Variants in KLHL11 observed in about 807,000 individuals in gnomAD.
The protein encoded by KLHL11 is kelch-like protein 11.
In KLHL11, 26 loss-of-function variants were observed where a neutral mutation model predicts 56.1. The observed-to-expected ratio is 0.46, with a 90% CI of 0.34 to 0.64. The LOEUF (loss-of-function observed/expected upper bound fraction) is 0.64. KLHL11 is among the 30% of genes least tolerant of loss of function. The pLI is 0.01. For missense variants in KLHL11, 627 were observed against 919.4 expected, an observed-to-expected ratio of 0.68 and a Z score of 4.11; for synonymous variants, 338 against 345.8, an observed-to-expected ratio of 0.98 and a Z score of 0.25.
rs1218559649 is a variant in KLHL11 at position 41,854,651 on chromosome 17, C to G, written c.1216G>C (p.Glu406Gln). 1 of 1,614,078 alleles carries G rather than the reference C, an allele frequency of 6.2e-7. No homozygotes were observed. Among genetic ancestry groups the G allele is most frequent in the African/African-American group, 1.3e-5 (1 of 74,950 alleles). Reference protein sequence around the residue: ...HLDGHAVAVTESYVYVAGSME... With the variant: ...HLDGHAVAVTQSYVYVAGSME... ...GATCCAGCAACATACACGTAGGATT[C>G]TGTTACTGCAACAGCATGTCCATCG... Residue 406 changes from glutamate to glutamine, a missense_variant, in exon 2 of 2, where the codon GAA (glutamate) becomes CAA (glutamine). Glu to Gln is a conservative substitution (Grantham distance 29, BLOSUM62 2). Coordinates refer to ENST00000319121, the MANE Select transcript of KLHL11 (RefSeq NM_018143.3). The surrounding 1 kb of genome is among the most constrained non-coding windows in gnomAD (Gnocchi z 4.9).
rs529540418 is a variant in KLHL11, at chr17:41,852,935, T to C, written c.*805A>G. 6.6e-6 allele frequency among the ~76,000 whole-genome samples: 1 copy of C among 152,058 alleles called. No homozygotes were observed. The highest frequency in any genetic ancestry group is 1.5e-5 in the Non-Finnish European group (1 of 68,004). ...ATAATCCTGCAACTCCTGAAAAAAA[T>C]GTTGAAAAAATTTTAAATGCCTTTG... is the stretch of plus-strand genomic sequence containing the variant. On this transcript the variant is annotated 3_prime_UTR_variant, in exon 2 of 2. Coordinates refer to ENST00000319121, the MANE Select transcript of KLHL11 (RefSeq NM_018143.3).
chr17:41,855,213 G>A lies in KLHL11; in HGVS notation c.654C>T (p.Ser218=). ...TATCAGCAGCCTTCAGAGCAAGTTG[G>A]CTCAGGGTGTACATGTGTGCTAAGC... ...IHSLAHMYTL[S]QLALKAADMI... Residue 218 remains serine, a synonymous_variant, in exon 2 of 2, where the codon AGC becomes AGT. Transcript: ENST00000319121. 1 of 1,614,028 alleles carries A rather than the reference G, an allele frequency of 6.2e-7. No homozygotes were observed. Among genetic ancestry groups the A allele is most frequent in the South Asian group, 1.1e-5 (1 of 91,088 alleles).
In KLHL11 at chr17:41,850,037, T is replaced by C. The variant is rs1429715754; in HGVS notation, c.*3703A>G. ...ACATTACCAAAAACAATATTTTAAG[T>C]TTTCTCATCAAAAAGGAAATTTCTT... On this transcript the variant is annotated 3_prime_UTR_variant, in exon 2 of 2. Transcript: ENST00000319121. 1.3e-5 allele frequency: 2 copies of C among 152,216 alleles called. No homozygotes were observed. Among genetic ancestry groups the C allele is most frequent in the East Asian group, 3.8e-4 (2 of 5,206 alleles). The allele number at this position is 152,216 out of a possible 1,614,324, so 9.4% of individuals were successfully genotyped here.
Position 41,852,137 on chromosome 17 carries a change from C to T in KLHL11, c.*1603G>A, listed in dbSNP as rs1233103270. On this transcript the variant is annotated 3_prime_UTR_variant, in exon 2 of 2. Coordinates refer to ENST00000319121, the MANE Select transcript of KLHL11 (RefSeq NM_018143.3). The stretch of plus-strand genomic sequence containing the variant: ...TCTGGTGATCCTCCCACCTTGGCTT[C>T]AAGTAGGAAGGACTACAGGCACGTG... Among the ~76,000 whole-genome samples, 2 of 152,012 alleles carry T rather than the reference C, an allele frequency of 1.3e-5. No individual in the cohort carries two copies. Among genetic ancestry groups the T allele is most frequent in the Non-Finnish European group, 2.9e-5 (2 of 67,988 alleles).
Position 41,865,340 on chromosome 17 carries a change from C to G in KLHL11, c.31G>C (p.Ala11Pro). The G allele has an allele frequency of 1.4e-6, 2 of 1,440,782 alleles. No individual in the cohort carries two copies. The highest frequency in any genetic ancestry group is 1.8e-6 in the Non-Finnish European group (2 of 1,110,572). 89.2% of individuals were successfully genotyped at this position (1,440,782 alleles called of 1,614,324 possible). Residue 11 changes from alanine to proline, a missense_variant, in exon 1 of 2, where the codon GCG becomes CCG. Physicochemically the swap from Ala to Pro is conservative, Grantham distance 27. Coordinates refer to ENST00000319121, the MANE Select transcript of KLHL11 (RefSeq NM_018143.3). ...TGAAGAGATGCAGCCGCGGCCGCCG[C>G]CGCCGCCGCCGCCACTGCCGCAGCC... The part of the protein sequence containing the change: MAAAAVAAAA[A>P]AAAAASLQVL...
rs782414683 is a variant in KLHL11 at position 41,853,564 on chromosome 17, C to G, written c.*176G>C. ...CAAAAATTGCAAGCTAACAAAATGA[C>G]CATGTATTGAACTGAGTCTCCCATT... On this transcript the variant is annotated 3_prime_UTR_variant, in exon 2 of 2. Coordinates refer to ENST00000319121, the MANE Select transcript of KLHL11 (RefSeq NM_018143.3). The G allele has an allele frequency of 6.3e-6, 4 of 632,220 alleles. No individual in the cohort carries two copies. Among genetic ancestry groups the G allele is most frequent in the Non-Finnish European group, 9.9e-6 (4 of 405,252 alleles). 39.2% of individuals were successfully genotyped at this position (632,220 alleles called of 1,614,324 possible).
chr17:41,860,405 G>A (rs551786094), intron 1 of KLHL11, among the ~76,000 whole-genome samples: 248 of 151,894 alleles, frequency 1.6e-3, no homozygotes, highest in African/African-American at 5.7e-3. Flanking sequence ...GGTTTTGGGG[G>A]GGGTGGGGGC....
At chr17:41,861,567 T>A (rs1322899425) in intron 1 of KLHL11, among the ~76,000 whole-genome samples, 1 of 151,420 alleles carries the variant, frequency 6.6e-6, no homozygotes, top group Non-Finnish European at 1.5e-5. Flanking sequence ...ATGCCTGTAA[T>A]CTCAGCTACT....
chr17:41,855,409 C>CAAAA, intron 1 of KLHL11, 88 bp from the exon 2 acceptor site: 5 of 952,790 alleles, frequency 5.2e-6, no homozygotes, highest in Non-Finnish European at 7.6e-6. Context: ...GACAGGGTCT[C>CAAAA]ACTCTGCCAC....
Position 41,853,534 on chromosome 17 carries a change from A to G in KLHL11, c.*206T>C. On this transcript the variant is annotated 3_prime_UTR_variant, in exon 2 of 2. Coordinates refer to ENST00000319121, the MANE Select transcript of KLHL11 (RefSeq NM_018143.3). Reference sequence around the variant, plus strand: ...TTTAGCTAGCACAAACAAACAAACCAAAGACAAAAATTGCAAGCTAACAAA... The same window carrying G: ...TTTAGCTAGCACAAACAAACAAACCGAAGACAAAAATTGCAAGCTAACAAA... 1.9e-6 allele frequency: 1 copy of G among 535,284 alleles called. No individual in the cohort carries two copies. Among genetic ancestry groups the G allele is most frequent in the Admixed American group, 3.7e-5 (1 of 26,726 alleles). The allele number at this position is 535,284 out of a possible 1,614,324, so 33.2% of individuals were successfully genotyped here.
At position 41,853,394 on chromosome 17, in the gene KLHL11, T is replaced by C. The variant is rs961665623; in HGVS notation, c.*346A>G. ...AAAGTAAATGTGCAAATAAAATTGGTGCTTAAAGCATGTTCAAAACGTAAG... is the reference window on the plus strand; with the variant it reads ...AAAGTAAATGTGCAAATAAAATTGGCGCTTAAAGCATGTTCAAAACGTAAG... On this transcript the variant is annotated 3_prime_UTR_variant, in exon 2 of 2. Coordinates refer to ENST00000319121, the MANE Select transcript of KLHL11 (RefSeq NM_018143.3). Among the ~76,000 whole-genome samples, 6 of 152,328 alleles carry C rather than the reference T, an allele frequency of 3.9e-5. No homozygotes were observed. The highest frequency in any genetic ancestry group is 1.4e-4 in the African/African-American group (6 of 41,570).
chr17:41,855,651 G>A lies in KLHL11; in HGVS notation c.546-330C>T, dbSNP rs549044727. Among the ~76,000 whole-genome samples, 39 of 151,692 alleles carry A rather than the reference G, an allele frequency of 2.6e-4. No individual in the cohort carries two copies. The South Asian group carries it at 3.7e-3, about 15-fold the overall frequency. ...CTCCCAAAGTGCTGGGATTACAGGC[G>A]TGAGCTGCCGTGCCCGGCCTACATT... On this transcript the variant is annotated intron_variant, in intron 1 of 1. Transcript: ENST00000319121.
At chr17:41,861,281 G>A (rs1013967198) in intron 1 of KLHL11, among the ~76,000 whole-genome samples, 1 of 152,152 alleles carries the variant, frequency 6.6e-6, no homozygotes, top group Admixed American at 6.5e-5. Flanking sequence ...TATAACCACA[G>A]GATGGTATAA....
chr17:41,849,040 A>G lies in KLHL11; in HGVS notation c.*4700T>C, dbSNP rs1364552238. ...TATTATATTACATCACCCAACTATG[A>G]GCTGTTCTGTTTCCAATGACCAGAA... On this transcript the variant is annotated 3_prime_UTR_variant, in exon 2 of 2. Coordinates refer to ENST00000319121, the MANE Select transcript of KLHL11 (RefSeq NM_018143.3). The G allele has an allele frequency of 2.0e-5, 3 of 152,252 alleles. No homozygotes were observed. In the East Asian group the frequency reaches 5.8e-4, roughly 29 times the overall value. 9.4% of individuals were successfully genotyped at this position (152,252 alleles called of 1,614,324 possible). A position where few individuals can be genotyped will look rare whatever the true frequency, so the allele number is the denominator to read the frequency against.
At chr17:41,864,746 G>T in intron 1 of KLHL11, 80 bp downstream of exon 1, 1 of 1,353,726 alleles carries the variant, frequency 7.4e-7, no homozygotes, top group Non-Finnish European at 9.7e-7. Flanking sequence ...GCCGTGGCAG[G>T]CACTGCCCTC....
At position 41,851,078 on chromosome 17, in the gene KLHL11, T is replaced by C. The variant is rs2048329684; in HGVS notation, c.*2662A>G. On this transcript the variant is annotated 3_prime_UTR_variant, in exon 2 of 2. Transcript: ENST00000319121. ...TGCACTTGGAATTTGACTTCTAGAA[T>C]GGTATGACAAAATGTCTAAGAAGGT... 6.6e-6 allele frequency: 1 copy of C among 151,950 alleles called. No individual in the cohort carries two copies. Among genetic ancestry groups the C allele is most frequent in the Non-Finnish European group, 1.5e-5 (1 of 68,008 alleles). The allele number at this position is 151,950 out of a possible 1,614,324, so 9.4% of individuals were successfully genotyped here.
chr17:41,852,534 T>C lies in KLHL11; in HGVS notation c.*1206A>G, dbSNP rs1231989850. On this transcript the variant is annotated 3_prime_UTR_variant, in exon 2 of 2. Coordinates refer to ENST00000319121, the MANE Select transcript of KLHL11 (RefSeq NM_018143.3). The stretch of plus-strand genomic sequence containing the variant: ...GACTGGGCACGGTGGCTCATGCCTG[T>C]AATCCCAGCACTTTGGGAGGCTGAG... 6.6e-6 allele frequency among the ~76,000 whole-genome samples: 1 copy of C among 152,070 alleles called. No individual in the cohort carries two copies. Among genetic ancestry groups the C allele is most frequent in the Non-Finnish European group, 1.5e-5 (1 of 67,996 alleles).
In KLHL11 at chr17:41,851,877, C is replaced by T. The variant is rs2048333841; in HGVS notation, c.*1863G>A. Among the ~76,000 whole-genome samples the T allele has an allele frequency of 6.6e-6, 1 of 151,486 alleles. No individual in the cohort carries two copies. Among genetic ancestry groups the T allele is most frequent in the Non-Finnish European group, 1.5e-5 (1 of 67,960 alleles). Reference sequence around the variant, plus strand: ...AGTGAGCCGAGATCATACCACTGTACTCCAACCTGGGTGACAAAGTGGGAC... The same window carrying T: ...AGTGAGCCGAGATCATACCACTGTATTCCAACCTGGGTGACAAAGTGGGAC... On this transcript the variant is annotated 3_prime_UTR_variant, in exon 2 of 2. Transcript: ENST00000319121.
chr17:41,854,389 T>G lies in KLHL11; in HGVS notation c.1478A>C (p.Asp493Ala). The part of the protein sequence containing the change: ...NLESAPKILR[D>A]VKALAIEDRF... ...GTCTTCAATGGCTAGTGCTTTGACA[T>G]CTCGAAGAATCTTTGGTGCCGATTC... The change falls in exon 2 of 2, where the codon GAT becomes GCT. Residue 493 changes from aspartate to alanine, a missense_variant. Around this residue, in one of 4 missense-constraint regions of KLHL11, gnomAD observed 250 missense variants for 360.6 expected, o/e 0.69. Transcript: ENST00000319121. This position sits in a 1 kb window ranked among gnomAD's most constrained non-coding sequence, Gnocchi z 4.9. The G allele has an allele frequency of 1.2e-6, 2 of 1,614,144 alleles. No homozygotes were observed. The highest frequency in any genetic ancestry group is 1.7e-6 in the Non-Finnish European group (2 of 1,180,030).
Sources: gnomAD v4.1 joint callset for allele counts (sites outside exome capture counted in the v4.1 genomes callset) on GRCh38, gnomAD v4.1.1 for gene constraint, gnomAD v4.1.1 regional missense constraint, Gnocchi (gnomAD v3.1) non-coding constraint, MANE v1.5 for transcripts, NCBI Gene and HGNC (gene_info 2026-07-23, HGNC 2026-07-21) for gene names.